RSL1D1: variants seen among roughly 807,000 people sequenced by gnomAD.
The protein encoded by RSL1D1 is ribosomal L1 domain containing 1.
Under a neutral mutation model 44.6 loss-of-function variants are expected in RSL1D1, and 34 were observed. That is an observed-to-expected ratio of 0.76 (90% CI 0.58 to 1.02). The LOEUF is 1.02. Ranked by LOEUF, RSL1D1 falls within the 50% of genes least tolerant of loss-of-function variation. The pLI is 0.00. For missense variants in RSL1D1, 767 were observed against 568.1 expected, an observed-to-expected ratio of 1.35 and a Z score of -3.56; for synonymous variants, 271 against 207.4, an observed-to-expected ratio of 1.31 and a Z score of -2.63.
intron 5 of RSL1D1, among the ~76,000 whole-genome samples, chr16:11,842,222 G>A (rs371831183): frequency 9.2e-5 from 14 of 151,884 alleles, no homozygotes; most frequent in African/African-American, 2.9e-4. Context: ...AGTTACTCAG[G>A]AGGCTGAGGC....
chr16:11,845,920 AGAGGG>A (rs1290404363), intron 5 of RSL1D1, among the ~76,000 whole-genome samples: 1 of 151,676 alleles, frequency 6.6e-6, no homozygotes, highest in Non-Finnish European at 1.5e-5. Context: ...TGGCTGGGGG[AGAGGG>A]TCTCATTATG....
intron 7 of RSL1D1, 102 bp downstream of exon 7, chr16:11,841,593 G>A (rs2053764003): frequency 1.8e-6 from 2 of 1,082,620 alleles, no homozygotes; most frequent in South Asian, 3.2e-5. Flanking sequence ...AAAACCAGAA[G>A]ATAACTGAAA....
chr16:11,839,732 G>C lies in RSL1D1; in HGVS notation c.1109C>G (p.Pro370Arg), dbSNP rs779887053. Residue 370 changes from proline (P) to arginine (R), a missense_variant, in exon 8 of 9, where the codon CCA becomes CGA. By Grantham distance (103) the Pro-to-Arg change is moderately radical. Coordinates refer to ENST00000571133, the MANE Select transcript of RSL1D1 (RefSeq NM_015659.3). ...ESEDEIPQLVPIGKKTPANEK... is the reference protein window; with the variant it reads ...ESEDEIPQLVRIGKKTPANEK... ...ATTAGCTGGAGTCTTCTTTCCTATT[G>C]GTACCAGCTGTGGGATTTCGTCTTC... 6.2e-7 allele frequency: 1 copy of C among 1,613,958 alleles called. No homozygotes were observed. Among genetic ancestry groups the C allele is most frequent in the East Asian group, 2.2e-5 (1 of 44,876 alleles).
At chr16:11,841,846 G>C in intron 6 of RSL1D1, 26 bp from the exon 7 acceptor site, 2 of 1,612,678 alleles carry the variant, frequency 1.2e-6, no homozygotes, top group Non-Finnish European at 1.7e-6. Context: ...GAGTAACATC[G>C]TCTACATATA....
chr16:11,841,720 C>T lies in RSL1D1; in HGVS notation c.830G>A (p.Arg277Lys). 1 of 1,613,144 alleles carries T rather than the reference C, an allele frequency of 6.2e-7. No homozygotes were observed. The highest frequency in any genetic ancestry group is 8.5e-7 in the Non-Finnish European group (1 of 1,179,726). Residue 277 changes from arginine to lysine, a missense_variant, in exon 7 of 9, where the codon AGA (arginine) becomes AAA (lysine). Transcript: ENST00000571133. Reference sequence around the variant, plus strand: ...TTTTTTCTTCTTATTAAGCAAAGATCTTTTGGTGGCTTCATCCCAATTGCT... The same window carrying T: ...TTTTTTCTTCTTATTAAGCAAAGATTTTTTGGTGGCTTCATCCCAATTGCT... ...FVSNWDEATKRSLLNKKKKEA... is the reference protein window; with the variant it reads ...FVSNWDEATKKSLLNKKKKEA...
intron 1 of RSL1D1, chr16:11,851,162 G>A (rs963899703): frequency 3.6e-6 from 2 of 562,018 alleles, no homozygotes; most frequent in Non-Finnish European, 6.4e-6. Flanking sequence ...AGGTCGCCAG[G>A]TCTATCTCAT....
rs2075158 is a variant in RSL1D1, at chr16:11,851,374, T to C, written c.105+34A>G. 1,059,773 of 1,598,700 alleles carry C rather than the reference T, an allele frequency of 0.66. 354,720 individuals carry two copies. The highest frequency in any genetic ancestry group is 0.81 in the Admixed American group (48,684 of 59,974). ...GCGCCTCACGAGGTAACCGCCACAC[T>C]GCTTCCAAGCCACCCTCCCCAGGAA... is the stretch of plus-strand genomic sequence containing the variant. On this transcript the variant is annotated intron_variant, in intron 1 of 8. Transcript: ENST00000571133.
intron 4 of RSL1D1, 23 bp from the exon 5 acceptor site, chr16:11,846,625 T>C: frequency 6.2e-7 from 1 of 1,606,390 alleles, no homozygotes; most frequent in Non-Finnish European, 8.5e-7. Flanking sequence ...CACACAGGCA[T>C]TCAGAACACA....
In RSL1D1 at chr16:11,843,114, T is replaced by TC. The variant is rs2053774386; in HGVS notation, c.636-1115_636-1114insG. ...TTTTTTGTATTTTTTTTTTTTTTTT[T>TC]AGTAGAGACGGGGTTTCTCCATGTT... On this transcript the variant is annotated intron_variant, in intron 5 of 8. Transcript: ENST00000571133. 2.0e-5 allele frequency among the ~76,000 whole-genome samples: 3 copies of TC among 150,724 alleles called. No homozygotes were observed. In the South Asian group the frequency reaches 6.3e-4, roughly 32 times the overall value.
chr16:11,849,421 C>A (rs570290073), intron 2 of RSL1D1: 1 of 149,602 alleles, frequency 6.7e-6, no homozygotes, highest in East Asian at 2.0e-4. Context: ...ATAAAAGAAT[C>A]GAAACCAAAA....
At chr16:11,850,079 G>C (rs60451645) in intron 2 of RSL1D1, among the ~76,000 whole-genome samples, 200 bp downstream of exon 2, 7 of 152,198 alleles carry the variant, frequency 4.6e-5, no homozygotes, top group Non-Finnish European at 7.4e-5. Flanking sequence ...CGTCCACCTC[G>C]GCCTCCCAAA....
In RSL1D1 at chr16:11,833,915, C is replaced by A. The variant is rs903891912; in HGVS notation, c.*3872G>T. On this transcript the variant is annotated 3_prime_UTR_variant, in exon 9 of 9. Coordinates refer to ENST00000571133, the MANE Select transcript of RSL1D1 (RefSeq NM_015659.3). The stretch of plus-strand genomic sequence containing the variant: ...AAACAAATGAACTAAAACTCAATTA[C>A]TTCCTTCAGAACAAAAACGTTACAC... 1 of 152,156 alleles carries A rather than the reference C, an allele frequency of 6.6e-6. No homozygotes were observed. Among genetic ancestry groups the A allele is most frequent in the Non-Finnish European group, 1.5e-5 (1 of 68,030 alleles). The allele number at this position is 152,156 out of a possible 1,614,324, so 9.4% of individuals were successfully genotyped here. A position where few individuals can be genotyped will look rare whatever the true frequency, so the allele number is the denominator to read the frequency against.
intron 2 of RSL1D1, 131 bp from the exon 3 acceptor site, chr16:11,847,937 G>A: frequency 1.1e-6 from 1 of 908,134 alleles, no homozygotes; most frequent in South Asian, 1.5e-5. Context: ...AGCAAATAAT[G>A]CACCAAGAAC....
Position 11,847,658 on chromosome 16 carries a change from G to C in RSL1D1, c.384+10C>G, listed in dbSNP as rs1400544905. 5 of 1,599,864 alleles carry C rather than the reference G, an allele frequency of 3.1e-6. No individual in the cohort carries two copies. The Admixed American group carries it at 5.3e-5, about 17-fold the overall frequency. ...CTAAATAACTTGAAAATATTAACCAGGCTTCCTACCTGAGAAACGGTTTTA... is the reference window on the plus strand; with the variant it reads ...CTAAATAACTTGAAAATATTAACCACGCTTCCTACCTGAGAAACGGTTTTA... On this transcript the variant is annotated intron_variant, in intron 3 of 8. Coordinates refer to ENST00000571133, the MANE Select transcript of RSL1D1 (RefSeq NM_015659.3).
chr16:11,851,258 G>C, intron 1 of RSL1D1, 150 bp downstream of exon 1: 2 of 746,420 alleles, frequency 2.7e-6, no homozygotes, highest in South Asian at 1.5e-5. Flanking sequence ...CGTGTGTAAA[G>C]GGGAGAGACA....
At chr16:11,850,832 G>A (rs1362684071) in intron 1 of RSL1D1, among the ~76,000 whole-genome samples, 1 of 152,182 alleles carries the variant, frequency 6.6e-6, no homozygotes, top group African/African-American at 2.4e-5. Flanking sequence ...TGAGATTACA[G>A]GCGCCCGCCA....
intron 5 of RSL1D1, among the ~76,000 whole-genome samples, chr16:11,843,583 C>T (rs1021279406): frequency 2.0e-5 from 3 of 148,792 alleles, no homozygotes; most frequent in Admixed American, 2.0e-4. Flanking sequence ...ATAAATAGTT[C>T]TGTGGCTGGG....
In RSL1D1 at chr16:11,851,482, A is replaced by G; in HGVS notation, c.31T>C (p.Ser11Pro). Residue 11 changes from serine to proline, a missense_variant, in exon 1 of 9, where the codon TCT (serine) becomes CCT (proline). Ser to Pro is a moderately conservative substitution (Grantham distance 74). Coordinates refer to ENST00000571133, the MANE Select transcript of RSL1D1 (RefSeq NM_015659.3). MEDSASASLS[S>P]AAATGTSTST... ...GTGGAGGTTCCAGTAGCGGCTGCAG[A>G]AGACAGCGAGGCCGAGGCCGAATCC... 1.9e-6 allele frequency: 3 copies of G among 1,614,040 alleles called. No homozygotes were observed. Among genetic ancestry groups the G allele is most frequent in the Non-Finnish European group, 2.5e-6 (3 of 1,179,980 alleles).
chr16:11,840,663 C>A (rs1423961328), intron 7 of RSL1D1, among the ~76,000 whole-genome samples: 1 of 152,200 alleles, frequency 6.6e-6, no homozygotes, highest in African/African-American at 2.4e-5. Context: ...ATTAAATTTT[C>A]TCTCCTTCCG....
Sources: gnomAD v4.1 joint callset for allele counts (sites outside exome capture counted in the v4.1 genomes callset) on GRCh38, gnomAD v4.1.1 for gene constraint, MANE v1.5 for transcripts, NCBI Gene and HGNC (gene_info 2026-07-23, HGNC 2026-07-21) for gene names.